CAMKMT: variants seen among roughly 807,000 people sequenced by gnomAD.
CAMKMT encodes the protein CaM KMT.
CAMKMT carries 53 observed loss-of-function variants against 48.0 expected under a neutral mutation model. The ratio of observed to expected loss-of-function variants is 1.10; its 90% CI spans 0.89 to 1.39. The LOEUF is 1.39. Among genes scored for constraint, CAMKMT ranks in the 40% most tolerant of loss-of-function variants. The pLI is 0.00. For synonymous variants in CAMKMT, 165 were observed against 152.3 expected (o/e 1.08, Z -0.61); for missense variants, 428 against 402.7 (o/e 1.06, Z -0.54).
At chr2:44,369,976 C>T (rs1243429976) in intron 1 of CAMKMT, 2 of 152,282 alleles carry the variant, frequency 1.3e-5, no homozygotes, top group East Asian at 3.9e-4. Flanking sequence ...GGAAATACAG[C>T]TTCTAGCTTT....
At chr2:44,672,393 A>C (rs1329066936) in intron 3 of CAMKMT, among the ~76,000 whole-genome samples, 1 of 152,194 alleles carries the variant, frequency 6.6e-6, no homozygotes, top group East Asian at 1.9e-4. Flanking sequence ...TCGTGGCTAA[A>C]ATAGTAAATA....
At chr2:44,456,443 T>G (rs1667567148) in intron 3 of CAMKMT, 2 of 1,256,470 alleles carry the variant, frequency 1.6e-6, no homozygotes, top group Non-Finnish European at 2.1e-6. Flanking sequence ...TTACCCTCTA[T>G]TTCTCAGAAT....
intron 2 of CAMKMT, among the ~76,000 whole-genome samples, chr2:44,382,179 T>G (rs1240382210): frequency 6.6e-6 from 1 of 152,072 alleles, no homozygotes; most frequent in Non-Finnish European, 1.5e-5. Flanking sequence ...TGACCTTAGG[T>G]GATTCTACCT....
At chr2:44,659,077 T>G (rs1674532663) in intron 3 of CAMKMT, among the ~76,000 whole-genome samples, 1 of 99,778 alleles carries the variant, frequency 1.0e-5, no homozygotes, top group East Asian at 2.0e-4. Context: ...TGTGTGTAGT[T>G]TTTTTTTTTT....
intron 3 of CAMKMT, among the ~76,000 whole-genome samples, chr2:44,495,879 A>G (rs1274818375): frequency 6.6e-6 from 1 of 152,180 alleles, no homozygotes; most frequent in Non-Finnish European, 1.5e-5. Flanking sequence ...GAGTAGATCC[A>G]ATTTCATTTT....
At chr2:44,725,645 G>T (rs1678738313) in intron 7 of CAMKMT, among the ~76,000 whole-genome samples, 1 of 152,146 alleles carries the variant, frequency 6.6e-6, no homozygotes, top group Non-Finnish European at 1.5e-5. Context: ...GGCATTCCTG[G>T]TATAAAAGGC....
intron 3 of CAMKMT, among the ~76,000 whole-genome samples, chr2:44,557,868 T>C (rs1668098412): frequency 6.6e-6 from 1 of 152,216 alleles, no homozygotes; most frequent in African/African-American, 2.4e-5. Context: ...ACCATTGCTC[T>C]CTGCTCTGTA....
intron 7 of CAMKMT, among the ~76,000 whole-genome samples, chr2:44,720,944 T>A (rs530048902): frequency 5.3e-5 from 8 of 152,152 alleles, no homozygotes; most frequent in Non-Finnish European, 1.0e-4. Context: ...CAAATAGGGT[T>A]TTTTCTTCGA....
intron 3 of CAMKMT, among the ~76,000 whole-genome samples, chr2:44,561,799 A>T (rs1476175214): frequency 6.6e-6 from 1 of 152,222 alleles, no homozygotes; most frequent in African/African-American, 2.4e-5. Context: ...CTGATAAAGA[A>T]AATAAAGTAG....
chr2:44,520,275 C>G (rs1671035902), intron 3 of CAMKMT, among the ~76,000 whole-genome samples: 1 of 151,826 alleles, frequency 6.6e-6, no homozygotes, highest in African/African-American at 2.4e-5. Context: ...CGCTATGTTG[C>G]CCAGACTATG....
chr2:44,624,498 C>A (rs192383405), intron 3 of CAMKMT, among the ~76,000 whole-genome samples: 85 of 152,142 alleles, frequency 5.6e-4, no homozygotes, highest in African/African-American at 2.0e-3. Flanking sequence ...CCACAACAGT[C>A]CCCAGTGTGT....
At chr2:44,669,881 G>T (rs1675230757) in intron 3 of CAMKMT, among the ~76,000 whole-genome samples, 1 of 152,014 alleles carries the variant, frequency 6.6e-6, no homozygotes, top group African/African-American at 2.4e-5. Context: ...CAAGTGATCT[G>T]CTCACCTCAG....
chr2:44,737,195 A>G (rs1185840484), intron 7 of CAMKMT, among the ~76,000 whole-genome samples: 1 of 152,156 alleles, frequency 6.6e-6, no homozygotes, highest in Non-Finnish European at 1.5e-5. Context: ...AGCTTACTAC[A>G]GCTTCAACTT....
At chr2:44,396,920 G>A (rs1454966194) in intron 3 of CAMKMT, among the ~76,000 whole-genome samples, 2 of 151,664 alleles carry the variant, frequency 1.3e-5, no homozygotes, top group African/African-American at 2.4e-5. Context: ...TTAGCTGGGC[G>A]TAGTGGCGTG....
chr2:44,525,083 G>A (rs1671333235), intron 3 of CAMKMT, among the ~76,000 whole-genome samples: 1 of 152,008 alleles, frequency 6.6e-6, no homozygotes, highest in Non-Finnish European at 1.5e-5. Flanking sequence ...GCACACGTTA[G>A]TAGTTATAGT....
intron 3 of CAMKMT, among the ~76,000 whole-genome samples, chr2:44,395,631 C>T (rs185459457): frequency 3.0e-4 from 45 of 152,136 alleles, no homozygotes; most frequent in Middle Eastern, 3.4e-3. Context: ...TTGTACAAGT[C>T]TTAACTCCTT....
intron 3 of CAMKMT, among the ~76,000 whole-genome samples, chr2:44,629,639 T>C (rs1672696857): frequency 1.3e-5 from 2 of 151,880 alleles, no homozygotes; most frequent in South Asian, 4.2e-4. Context: ...TGAACTCCCA[T>C]TCACAATTGC....
chr2:44,391,519 G>T (rs901300853), intron 3 of CAMKMT, among the ~76,000 whole-genome samples: 1 of 152,074 alleles, frequency 6.6e-6, no homozygotes, highest in Non-Finnish European at 1.5e-5. Context: ...ACCAATGATG[G>T]TTGAGGATAC....
chr2:44,396,058 A>T (rs1260329420), intron 3 of CAMKMT, among the ~76,000 whole-genome samples: 2 of 152,126 alleles, frequency 1.3e-5, no homozygotes, highest in Non-Finnish European at 2.9e-5. Flanking sequence ...TATTGGGACC[A>T]TTGCCTAGGA....
Sources: gnomAD v4.1 joint callset for allele counts (sites outside exome capture counted in the v4.1 genomes callset) on GRCh38, gnomAD v4.1.1 for gene constraint, MANE v1.5 for transcripts, NCBI Gene and HGNC (gene_info 2026-07-23, HGNC 2026-07-21) for gene names.